CRX: variants seen among roughly 807,000 people sequenced by gnomAD.
The protein encoded by CRX is cone-rod homeobox protein.
CRX carries 5 observed loss-of-function variants against 13.1 expected under a neutral mutation model. That is an observed-to-expected ratio of 0.38 (90% confidence interval 0.20 to 0.80). The LOEUF is 0.80. CRX is among the 30% of genes least tolerant of loss of function. The pLI, the probability that CRX is intolerant of heterozygous loss-of-function variation, is 0.43. For missense variants in CRX, 351 were observed against 391.8 expected, an observed-to-expected ratio of 0.90 and a Z score of 0.88; for synonymous variants, 179 against 171.1, an observed-to-expected ratio of 1.05 and a Z score of -0.36.
chr19:47,837,048 G>C (rs1261570608), intron 3 of CRX, among the ~76,000 whole-genome samples: 1 of 152,174 alleles, frequency 6.6e-6, no homozygotes, highest in Non-Finnish European at 1.5e-5. Flanking sequence ...GTATATATGT[G>C]TGTTTGCATG....
chr19:47,827,836 TAAAAAAAAAAA>T (rs1156465404), intron 1 of CRX, among the ~76,000 whole-genome samples: 4 of 41,758 alleles, frequency 9.6e-5, no homozygotes, highest in Admixed American at 3.8e-4. Context: ...GCATCTTTAT[TAAAAAAAAAAA>T]AAAAAAAAAA....
In CRX at chr19:47,840,081, C is replaced by CT; in HGVS notation, c.*115dup. 1.6e-6 allele frequency: 2 copies of CT among 1,270,550 alleles called. No individual in the cohort carries two copies. The highest frequency in any genetic ancestry group is 2.2e-6 in the Non-Finnish European group (2 of 899,382). 78.7% of individuals were successfully genotyped at this position (1,270,550 alleles called of 1,614,324 possible). On this transcript the variant is annotated 3_prime_UTR_variant, in exon 4 of 4. Coordinates refer to ENST00000221996, the MANE Select transcript of CRX (RefSeq NM_000554.6). ...TTCCTGAGAAAGCAACCCGAACCAG[C>CT]TGTCCTTCTGACAGCTCGGTGTTCA...
Position 47,834,457 on chromosome 19 carries a change from T to C in CRX, c.14T>C (p.Met5Thr), listed in dbSNP as rs1458143033. The change falls in exon 2 of 4, where the codon ATG becomes ACG. Residue 5 changes from methionine to threonine, a missense_variant. Met to Thr is a moderately conservative substitution (Grantham distance 81). Coordinates refer to ENST00000221996, the MANE Select transcript of CRX (RefSeq NM_000554.6). ...TCCCCGAAGATCATGATGGCGTATA[T>C]GAACCCGGGGCCCCACTATTCTGTC... MMAYMNPGPHYSVNA... is the reference protein window; with the variant it reads MMAYTNPGPHYSVNA... 3 of 1,614,156 alleles carry C rather than the reference T, an allele frequency of 1.9e-6. No homozygotes were observed. Among genetic ancestry groups the C allele is most frequent in the South Asian group, 2.2e-5 (2 of 91,078 alleles).
At chr19:47,838,065 T>C (rs372597437) in intron 3 of CRX, among the ~76,000 whole-genome samples, 1 of 152,006 alleles carries the variant, frequency 6.6e-6, no homozygotes, top group Non-Finnish European at 1.5e-5. Context: ...TATGCACATA[T>C]GATTAGATAG....
intron 1 of CRX, among the ~76,000 whole-genome samples, chr19:47,823,935 C>T (rs1160119704): frequency 6.6e-6 from 1 of 152,216 alleles, no homozygotes; most frequent in Non-Finnish European, 1.5e-5. Flanking sequence ...CAGGCGTGAG[C>T]CACCACACCC....
intron 1 of CRX, among the ~76,000 whole-genome samples, chr19:47,823,096 G>A (rs1030172176): frequency 6.6e-6 from 1 of 151,912 alleles, no homozygotes; most frequent in African/African-American, 2.4e-5. Context: ...GCGCCCAGCC[G>A]GTCTCCTGCA....
Position 47,839,316 on chromosome 19 carries a change from C to A in CRX, c.253-4C>A. On this transcript the variant is annotated splice_region_variant and splice_polypyrimidine_tract_variant and intron_variant, in intron 3 of 3. Coordinates refer to ENST00000221996, the MANE Select transcript of CRX (RefSeq NM_000554.6). The surrounding 1 kb of genome is among the most constrained non-coding windows in gnomAD (Gnocchi z 4.6). ...CCACCCCCATCTCCGCTCTTATCCC[C>A]CAGGTTTGGTTCAAGAACCGGAGGG... The A allele has an allele frequency of 6.2e-7, 1 of 1,613,100 alleles. No homozygotes were observed. The highest frequency in any genetic ancestry group is 8.5e-7 in the Non-Finnish European group (1 of 1,179,690).
rs1207727676 is a variant in CRX, at chr19:47,834,946, T to A, written c.100+403T>A. 2.0e-5 allele frequency among the ~76,000 whole-genome samples: 3 copies of A among 151,866 alleles called. No homozygotes were observed. In the East Asian group the frequency reaches 5.8e-4, roughly 29 times the overall value. On this transcript the variant is annotated intron_variant, in intron 2 of 3. Coordinates refer to ENST00000221996, the MANE Select transcript of CRX (RefSeq NM_000554.6). ...CTCCCACCTCAGCCTCCTGAGTAGCTGGGACTGCAGGTGTGAGCCATTGTG... is the reference window on the plus strand; with the variant it reads ...CTCCCACCTCAGCCTCCTGAGTAGCAGGGACTGCAGGTGTGAGCCATTGTG...
intron 3 of CRX, among the ~76,000 whole-genome samples, chr19:47,837,313 T>A (rs1323573403): frequency 6.6e-6 from 1 of 152,070 alleles, no homozygotes; most frequent in Admixed American, 6.6e-5. Flanking sequence ...ATTACAGGCG[T>A]GTGCCACCAC....
At chr19:47,828,612 A>AGTGTGTGTGT (rs113277135) in intron 1 of CRX, among the ~76,000 whole-genome samples, 37,458 of 149,338 alleles carry the variant, frequency 0.25, 5,014 homozygotes, top group Middle Eastern at 0.36. Context: ...GGAGGTAGGG[A>AGTGTGTGTGT]GCGTGTGTGT....
intron 2 of CRX, among the ~76,000 whole-genome samples, chr19:47,835,186 G>T (rs1323610535): frequency 6.6e-6 from 1 of 151,114 alleles, no homozygotes; most frequent in African/African-American, 2.4e-5. Flanking sequence ...TGTAGATTTT[G>T]CAGGATCTGG....
intron 1 of CRX, among the ~76,000 whole-genome samples, chr19:47,822,798 TTTTGTTTG>T (rs1465275308): frequency 6.6e-6 from 1 of 152,132 alleles, no homozygotes; most frequent in African/African-American, 2.4e-5. Context: ...CAAAGTTTTT[TTTTGTTTG>T]TTTTTGAGAT....
intron 1 of CRX, among the ~76,000 whole-genome samples, chr19:47,825,243 G>A (rs1967961533): frequency 6.6e-6 from 1 of 151,948 alleles, no homozygotes; most frequent in African/African-American, 2.4e-5. Context: ...CTCCCAAAGT[G>A]CTGAGCCACT....
In CRX at chr19:47,836,402, G is replaced by A. The variant is rs773348946; in HGVS notation, c.252+8G>A. On this transcript the variant is annotated splice_region_variant and intron_variant, in intron 3 of 3. Coordinates refer to ENST00000221996, the MANE Select transcript of CRX (RefSeq NM_000554.6). ...CCTGAGTCCAGGGTTCAGGTGGGGT[G>A]GTGGGTCCCTGGACCCCTCCCGACA... The A allele has an allele frequency of 1.2e-6, 2 of 1,614,068 alleles. No individual in the cohort carries two copies. Among genetic ancestry groups the A allele is most frequent in the Admixed American group, 1.7e-5 (1 of 59,996 alleles).
chr19:47,822,741 C>T (rs755056020), intron 1 of CRX, among the ~76,000 whole-genome samples: 2 of 152,176 alleles, frequency 1.3e-5, no homozygotes, highest in African/African-American at 4.8e-5. Flanking sequence ...CTCACGCCCC[C>T]GCCCTCTTAG....
At chr19:47,830,006 T>G (rs1430774650) in intron 1 of CRX, among the ~76,000 whole-genome samples, 2 of 149,602 alleles carry the variant, frequency 1.3e-5, no homozygotes, top group East Asian at 3.9e-4. Context: ...TTGTTTCCTT[T>G]GAATATATAA....
At chr19:47,825,262 C>CTGTTT (rs1245910411) in intron 1 of CRX, among the ~76,000 whole-genome samples, 1 of 151,322 alleles carries the variant, frequency 6.6e-6, no homozygotes, top group Non-Finnish European at 1.5e-5. Context: ...CTGGCCTGGC[C>CTGTTT]TGTTTTGTTT....
At chr19:47,834,264 G>A (rs2123738086) in intron 1 of CRX, 145 bp from the exon 2 acceptor site, 3 of 652,524 alleles carry the variant, frequency 4.6e-6, no homozygotes, top group East Asian at 5.5e-5. Flanking sequence ...TTACATGTGA[G>A]GACACAGAGG....
At chr19:47,823,526 C>G (rs375571602) in intron 1 of CRX, among the ~76,000 whole-genome samples, 1 of 152,144 alleles carries the variant, frequency 6.6e-6, no homozygotes, top group Admixed American at 6.5e-5. Context: ...TCCTTGTCCC[C>G]GCTGGACAGA....
Sources: allele counts gnomAD v4.1 joint callset (sites outside exome capture counted in the v4.1 genomes callset), GRCh38; gene constraint gnomAD v4.1.1; non-coding constraint Gnocchi (gnomAD v3.1); transcripts MANE v1.5; gene names NCBI Gene and HGNC (gene_info 2026-07-23, HGNC 2026-07-21).